Variants in SELENBP1 observed in about 807,000 individuals in gnomAD.
SELENBP1 encodes the protein methanethiol oxidase.
SELENBP1 carries 71 observed loss-of-function variants against 61.0 expected under a neutral mutation model. The ratio of observed to expected loss-of-function variants is 1.16; its 90% CI spans 0.96 to 1.42. SELENBP1 has a LOEUF of 1.42. Ranked by LOEUF, SELENBP1 falls within the 40% of genes most tolerant of loss-of-function variation. The pLI is 0.00. For missense variants in SELENBP1, 561 were observed against 605.0 expected, an observed-to-expected ratio of 0.93 and a Z score of 0.76; for synonymous variants, 270 against 238.9, an observed-to-expected ratio of 1.13 and a Z score of -1.20.
chr1:151,368,877 C>T lies in SELENBP1; in HGVS notation c.360+127G>A, dbSNP rs1337966955. The T allele has an allele frequency of 7.0e-6, 7 of 994,846 alleles. No homozygotes were observed. The African/African-American group carries it at 1.1e-4, about 16-fold the overall frequency. 61.6% of individuals were successfully genotyped at this position (994,846 alleles called of 1,614,324 possible). On this transcript the variant is annotated intron_variant, in intron 4 of 11. Coordinates refer to ENST00000368868, the MANE Select transcript of SELENBP1 (RefSeq NM_003944.4). ...CTGCTCTGAGGTCCAACCTCCCTCC[C>T]TGCTGCCGAGCCAGTTGCCGCGTAA... is the stretch of plus-strand genomic sequence containing the variant.
At chr1:151,366,572 C>A in intron 6 of SELENBP1, 119 bp from the exon 7 acceptor site, 1 of 1,416,944 alleles carries the variant, frequency 7.1e-7, no homozygotes, top group South Asian at 1.3e-5. Flanking sequence ...ATCAGGAAGA[C>A]GCTTGAGCAA....
In SELENBP1 at chr1:151,368,261, T is replaced by C. The variant is rs201591413; in HGVS notation, c.419A>G (p.His140Arg). The C allele has an allele frequency of 1.9e-6, 3 of 1,614,180 alleles. No homozygotes were observed. The highest frequency in any genetic ancestry group is 2.7e-5 in the African/African-American group (2 of 75,044). The change falls in exon 5 of 12, where the codon CAC becomes CGC. Residue 140 changes from histidine (H) to arginine (R), a missense_variant. Coordinates refer to ENST00000368868, the MANE Select transcript of SELENBP1 (RefSeq NM_003944.4). Reference sequence around the variant, plus strand: ...CATCACTTCCCCGCTGGCCAGGCAGTGGCTGGTGTGGAGAAAGGCCAGTTC... The same window carrying C: ...CATCACTTCCCCGCTGGCCAGGCAGCGGCTGGTGTGGAGAAAGGCCAGTTC... ...KCELAFLHTS[H>R]CLASGEVMIS...
At position 151,365,180 on chromosome 1, in the gene SELENBP1, G is replaced by A; in HGVS notation, c.1137+9C>T. 6.2e-7 allele frequency: 1 copy of A among 1,612,560 alleles called. No homozygotes were observed. Among genetic ancestry groups the A allele is most frequent in the Non-Finnish European group, 8.5e-7 (1 of 1,178,836 alleles). ...GAGGGGTCCAGCAAGTAGGGGGAGA[G>A]GCTCTTACCTTGACCACTAGGGGCT... On this transcript the variant is annotated intron_variant, in intron 10 of 11. Transcript: ENST00000368868.
chr1:151,365,049 G>C lies in SELENBP1; in HGVS notation c.1138-5C>G, dbSNP rs748367360. 3 of 1,603,956 alleles carry C rather than the reference G, an allele frequency of 1.9e-6. No individual in the cohort carries two copies. Among genetic ancestry groups the C allele is most frequent in the Non-Finnish European group, 1.7e-6 (2 of 1,175,490 alleles). ...GCCTCCAGCCACCCGTTTTCCCTTGGGAAAACCAGGGGTCAGAGCCCAGGG... is the reference window on the plus strand; with the variant it reads ...GCCTCCAGCCACCCGTTTTCCCTTGCGAAAACCAGGGGTCAGAGCCCAGGG... On this transcript the variant is annotated splice_polypyrimidine_tract_variant and splice_region_variant and intron_variant, in intron 10 of 11. Transcript: ENST00000368868.
rs371961268 is a variant in SELENBP1 at position 151,368,199 on chromosome 1, C to T, written c.481G>A (p.Gly161Arg). Residue 161 changes from glycine (G) to arginine (R), a missense_variant and splice_region_variant, in exon 5 of 12, where the codon GGG (glycine) becomes AGG (arginine). Gly to Arg is a moderately radical substitution (Grantham distance 125). Transcript: ENST00000368868. ...ATGAGCACACAGTGCTGGCAGGTAC[C>T]TTTGCCATTGCCCTTGACGTCTCCC... ...SLGDVKGNGK[G>R]GFVLLDGETF... 6.8e-6 allele frequency: 11 copies of T among 1,613,818 alleles called. No homozygotes were observed. The highest frequency in any genetic ancestry group is 8.5e-6 in the Non-Finnish European group (10 of 1,179,942).
At chr1:151,369,593 G>A in intron 2 of SELENBP1, 39 bp from the exon 3 acceptor site, 9 of 1,569,362 alleles carry the variant, frequency 5.7e-6, no homozygotes, top group East Asian at 2.3e-5. Flanking sequence ...CGGCAGGGTG[G>A]GAAGGAAAGG....
At chr1:151,370,035 C>A (rs1652067116) in intron 1 of SELENBP1, 1 of 1,426,924 alleles carries the variant, frequency 7.0e-7, no homozygotes, top group East Asian at 2.5e-5. Context: ...AGGGCTGATG[C>A]AGCCGGGGTC....
intron 1 of SELENBP1, chr1:151,370,201 G>T: frequency 2.4e-6 from 1 of 409,898 alleles, no homozygotes; most frequent in South Asian, 5.6e-5. Context: ...GGGCTTTTAC[G>T]AGAAGTAAAC....
intron 5 of SELENBP1, among the ~76,000 whole-genome samples, chr1:151,367,558 G>A (rs149161732): frequency 8.3e-4 from 126 of 152,072 alleles, no homozygotes; most frequent in African/African-American, 3.0e-3. Context: ...CTCAGCACCT[G>A]GTATTTCTCT....
At position 151,372,690 on chromosome 1, in the gene SELENBP1, C is replaced by T; in HGVS notation, c.-49G>A. 6.2e-7 allele frequency: 1 copy of T among 1,613,770 alleles called. No homozygotes were observed. The highest frequency in any genetic ancestry group is 8.5e-7 in the Non-Finnish European group (1 of 1,179,852). On this transcript the variant is annotated 5_prime_UTR_variant, in exon 1 of 12. Coordinates refer to ENST00000368868, the MANE Select transcript of SELENBP1 (RefSeq NM_003944.4). ...CCCGGCGGGTTTGCTGTGCTGGTGT[C>T]AGAGGCCGCTGTTCCGGGGAAGGAG...
chr1:151,371,356 C>T (rs1240226674), intron 1 of SELENBP1, among the ~76,000 whole-genome samples: 1 of 151,274 alleles, frequency 6.6e-6, no homozygotes, highest in Non-Finnish European at 1.5e-5. Flanking sequence ...TGCAGTAAGC[C>T]GAAATCACGC....
chr1:151,366,444 CCGTACAGTCCTGG>C lies in SELENBP1; in HGVS notation c.665-4_673del. The C allele has an allele frequency of 6.2e-7, 1 of 1,613,520 alleles. No individual in the cohort carries two copies. Among genetic ancestry groups the C allele is most frequent in the Non-Finnish European group, 8.5e-7 (1 of 1,179,834 alleles). ...CCAGTCCCATACATATAAGTGGCTCCCGTACAGTCCTGGGGTGGGAGTGGGGCCGGAGGATAGG... is the reference window on the plus strand; with the variant it reads ...CCAGTCCCATACATATAAGTGGCTCCGGTGGGAGTGGGGCCGGAGGATAGG... On this transcript the variant is annotated splice_acceptor_variant and splice_polypyrimidine_tract_variant and coding_sequence_variant and intron_variant, in exon 7 of 12. Transcript: ENST00000368868. LOFTEE classifies it high-confidence loss of function.
In SELENBP1 at chr1:151,370,461, C is replaced by G. The variant is rs79569170; in HGVS notation, c.5-692G>C. 5.5e-3 allele frequency among the ~76,000 whole-genome samples: 831 copies of G among 152,306 alleles called. 10 individuals are homozygous for G. The highest frequency in any genetic ancestry group is 0.019 in the African/African-American group (769 of 41,564). ...CTAATACCAACTGGAAGTCCTCAGG[C>G]TGGTTTCTACCCCTGGGTGTGCCCC... is the stretch of plus-strand genomic sequence containing the variant. On this transcript the variant is annotated intron_variant, in intron 1 of 11. Coordinates refer to ENST00000368868, the MANE Select transcript of SELENBP1 (RefSeq NM_003944.4).
intron 1 of SELENBP1, chr1:151,370,071 A>G (rs1365769753): frequency 7.8e-7 from 1 of 1,282,334 alleles, no homozygotes; most frequent in Non-Finnish European, 1.0e-6. Context: ...TATGACACGG[A>G]CTCGGGGCCC....
chr1:151,370,213 C>A, intron 1 of SELENBP1: 1 of 369,366 alleles, frequency 2.7e-6, no homozygotes, highest in Non-Finnish European at 5.2e-6. Context: ...GAAGTAAACA[C>A]GAGGGTGCAG....
At position 151,364,554 on chromosome 1, in the gene SELENBP1, TG is replaced by T; in HGVS notation, c.1407del (p.Asp469GlufsTer?). 1 of 1,614,060 alleles carries T rather than the reference TG, an allele frequency of 6.2e-7. No homozygotes were observed. Among genetic ancestry groups the T allele is most frequent in the Non-Finnish European group, 8.5e-7 (1 of 1,179,970 alleles). ...LRYPGGDCSS[D>X]IWI ...GATGAGGGTGGAGTTCAAATCCAGA[TG>T]TCAGAGCTACAATCGCCCCCAGGGT... On this transcript the variant is annotated frameshift_variant, in exon 12 of 12. Coordinates refer to ENST00000368868, the MANE Select transcript of SELENBP1 (RefSeq NM_003944.4). LOFTEE classifies it high-confidence loss of function.
chr1:151,368,155 C>T (rs529371524), intron 5 of SELENBP1, 44 bp downstream of exon 5: 2 of 1,593,306 alleles, frequency 1.3e-6, no homozygotes, highest in African/African-American at 2.7e-5. Context: ...TCCCACATTT[C>T]ACAGCTGTGG....
At position 151,370,155 on chromosome 1, in the gene SELENBP1, T is replaced by C. The variant is rs532663593; in HGVS notation, c.5-386A>G. On this transcript the variant is annotated intron_variant, in intron 1 of 11. Coordinates refer to ENST00000368868, the MANE Select transcript of SELENBP1 (RefSeq NM_003944.4). ...AAGCTCCTCGACCTCAATTTCTGCATCCTCTGTAAAATGGAGATGGTAAGA... is the reference window on the plus strand; with the variant it reads ...AAGCTCCTCGACCTCAATTTCTGCACCCTCTGTAAAATGGAGATGGTAAGA... 15 of 524,608 alleles carry C rather than the reference T, an allele frequency of 2.9e-5. No homozygotes were observed. The South Asian group carries it at 6.8e-4, about 24-fold the overall frequency. The allele number at this position is 524,608 out of a possible 1,614,324, so 32.5% of individuals were successfully genotyped here.
At chr1:151,371,761 C>T (rs1652149210) in intron 1 of SELENBP1, among the ~76,000 whole-genome samples, 1 of 152,186 alleles carries the variant, frequency 6.6e-6, no homozygotes, top group Non-Finnish European at 1.5e-5. Flanking sequence ...GCTCTGCAGC[C>T]TCGGCCCACC....
Sources: allele counts gnomAD v4.1 joint callset (sites outside exome capture counted in the v4.1 genomes callset), GRCh38; gene constraint gnomAD v4.1.1; transcripts MANE v1.5; gene names NCBI Gene and HGNC (gene_info 2026-07-23, HGNC 2026-07-21).